Variants in LRRC4C observed in about 807,000 individuals in gnomAD.
LRRC4C encodes the protein leucine-rich repeat-containing protein 4C.
In LRRC4C, 5 loss-of-function variants were observed where a neutral mutation model predicts 33.6. The observed-to-expected ratio is 0.15, with a 90% CI of 0.08 to 0.31. The LOEUF is 0.31. LRRC4C is among the 10% of genes least tolerant of loss of function. The pLI is 1.00. For missense variants in LRRC4C, 560 were observed against 796.7 expected, an observed-to-expected ratio of 0.70 and a Z score of 3.58; for synonymous variants, 329 against 302.0, an observed-to-expected ratio of 1.09 and a Z score of -0.93.
intron 1 of LRRC4C, among the ~76,000 whole-genome samples, chr11:41,028,690 T>C (rs1241312761): frequency 6.6e-6 from 1 of 151,698 alleles, no homozygotes; most frequent in Non-Finnish European, 1.5e-5. Flanking sequence ...CTCCAGTGTC[T>C]TTCAACATAC....
chr11:41,312,338 A>G (rs1950665959), intron 1 of LRRC4C, among the ~76,000 whole-genome samples: 1 of 152,208 alleles, frequency 6.6e-6, no homozygotes, highest in African/African-American at 2.4e-5. Flanking sequence ...ATATATTCTC[A>G]TGAACCATTT....
chr11:41,099,595 G>A (rs556679303), intron 1 of LRRC4C, among the ~76,000 whole-genome samples: 7 of 152,066 alleles, frequency 4.6e-5, no homozygotes, highest in African/African-American at 7.2e-5. Flanking sequence ...CAAAAACCAC[G>A]TGATTATGTC....
chr11:40,451,106 TG>T (rs1951862584), intron 3 of LRRC4C, among the ~76,000 whole-genome samples: 1 of 150,714 alleles, frequency 6.6e-6, no homozygotes, highest in Non-Finnish European at 1.5e-5. Flanking sequence ...TATTTAACAA[TG>T]AAAAAAAACC....
At chr11:41,213,129 TCTTA>T (rs1396965835) in intron 1 of LRRC4C, among the ~76,000 whole-genome samples, 1 of 152,234 alleles carries the variant, frequency 6.6e-6, no homozygotes, top group Non-Finnish European at 1.5e-5. Context: ...TATTTGATTT[TCTTA>T]CTTCCTTTCT....
chr11:40,738,141 A>G (rs974082882), intron 2 of LRRC4C, among the ~76,000 whole-genome samples: 9 of 152,182 alleles, frequency 5.9e-5, no homozygotes, highest in Non-Finnish European at 1.2e-4. Flanking sequence ...TATCTAATAA[A>G]TAGTGTTGGG....
At chr11:41,010,429 G>A (rs553670999) in intron 1 of LRRC4C, among the ~76,000 whole-genome samples, 2 of 152,238 alleles carry the variant, frequency 1.3e-5, no homozygotes, top group Non-Finnish European at 1.5e-5. Flanking sequence ...AATAAGCAGT[G>A]AAAATATACC....
chr11:40,183,127 C>A (rs1299176989), intron 5 of LRRC4C, among the ~76,000 whole-genome samples: 1 of 152,030 alleles, frequency 6.6e-6, no homozygotes, highest in Non-Finnish European at 1.5e-5. Flanking sequence ...ATGTACCTTG[C>A]AAATTTGGTA....
chr11:40,927,980 G>GT (rs560861726), intron 2 of LRRC4C, among the ~76,000 whole-genome samples: 9 of 151,844 alleles, frequency 5.9e-5, no homozygotes, highest in East Asian at 3.9e-4. Flanking sequence ...TCAATGTAAA[G>GT]TTTTTTTTAA....
intron 3 of LRRC4C, among the ~76,000 whole-genome samples, chr11:40,577,397 TA>T (rs1958238775): frequency 6.6e-6 from 1 of 152,168 alleles, no homozygotes; most frequent in South Asian, 2.1e-4. Flanking sequence ...GGGACAATTT[TA>T]AAGGGAAAAG....
At chr11:40,309,430 T>C (rs1945194597) in intron 4 of LRRC4C, among the ~76,000 whole-genome samples, 1 of 152,126 alleles carries the variant, frequency 6.6e-6, no homozygotes, top group Non-Finnish European at 1.5e-5. Flanking sequence ...ATTATATGAG[T>C]AGACAATATT....
At chr11:41,170,809 G>T (rs1427391382) in intron 1 of LRRC4C, among the ~76,000 whole-genome samples, 1 of 152,162 alleles carries the variant, frequency 6.6e-6, no homozygotes, top group Non-Finnish European at 1.5e-5. Context: ...CCATCAGAGT[G>T]AACAGGCAAC....
chr11:40,734,276 G>A (rs1456801888), intron 2 of LRRC4C, among the ~76,000 whole-genome samples: 2 of 152,132 alleles, frequency 1.3e-5, no homozygotes, highest in South Asian at 4.1e-4. Context: ...ACAATGTATG[G>A]AATTTGACAG....
At chr11:40,691,710 G>T (rs1945229352) in intron 2 of LRRC4C, among the ~76,000 whole-genome samples, 1 of 152,016 alleles carries the variant, frequency 6.6e-6, no homozygotes, top group South Asian at 2.1e-4. Context: ...AAAGCATTTT[G>T]ACAACTAGAA....
At chr11:40,290,312 A>T (rs1944106971) in intron 4 of LRRC4C, among the ~76,000 whole-genome samples, 1 of 152,230 alleles carries the variant, frequency 6.6e-6, no homozygotes, top group African/African-American at 2.4e-5. Flanking sequence ...AAAAAAGTGC[A>T]GAGAACTATG....
At chr11:40,517,912 T>G (rs577989308) in intron 3 of LRRC4C, among the ~76,000 whole-genome samples, 1 of 151,994 alleles carries the variant, frequency 6.6e-6, no homozygotes, top group Non-Finnish European at 1.5e-5. Context: ...CCAAAACAGA[T>G]ATATAGACCA....
chr11:40,354,360 T>C (rs1199789721), intron 3 of LRRC4C, among the ~76,000 whole-genome samples: 2 of 152,126 alleles, frequency 1.3e-5, no homozygotes. Context: ...TTCACTCATG[T>C]CCAAGAGCTC....
intron 3 of LRRC4C, among the ~76,000 whole-genome samples, chr11:40,490,462 T>C (rs1954090578): frequency 6.6e-6 from 1 of 152,112 alleles, no homozygotes; most frequent in Non-Finnish European, 1.5e-5. Flanking sequence ...ATGCATCTCC[T>C]TCCAAAAATC....
chr11:41,134,850 G>T (rs1337931198), intron 1 of LRRC4C, among the ~76,000 whole-genome samples: 1 of 152,104 alleles, frequency 6.6e-6, no homozygotes, highest in South Asian at 2.1e-4. Context: ...ACTAATAACA[G>T]GTGGGTAAAA....
intron 2 of LRRC4C, among the ~76,000 whole-genome samples, chr11:40,770,000 C>G (rs1198410471): frequency 6.6e-6 from 1 of 151,934 alleles, no homozygotes; most frequent in Non-Finnish European, 1.5e-5. Context: ...CAAAAATGAA[C>G]AAATAGTATC....
Sources: gnomAD v4.1 joint callset for allele counts (sites outside exome capture counted in the v4.1 genomes callset) on GRCh38, gnomAD v4.1.1 for gene constraint, MANE v1.5 for transcripts, NCBI Gene and HGNC (gene_info 2026-07-23, HGNC 2026-07-21) for gene names.